The following FRYL variants were observed in gnomAD, a reference collection of about 807,000 sequenced individuals.
FRYL encodes the protein FRY like transcription coactivator.
Under a neutral mutation model 351.2 loss-of-function variants are expected in FRYL, and 150 were observed. That is an observed-to-expected ratio of 0.43 (90% CI 0.37 to 0.49). The LOEUF (loss-of-function observed/expected upper bound fraction) is 0.49, where lower values mean the gene tolerates loss of function less well. Among genes scored for constraint, FRYL ranks in the 20% least tolerant of loss-of-function variants. FRYL has a pLI of 0.00. For missense variants in FRYL, 3,036 were observed against 3,619.3 expected, an observed-to-expected ratio of 0.84 and a Z score of 4.13; for synonymous variants, 1,153 against 1,257.1, an observed-to-expected ratio of 0.92 and a Z score of 1.75.
At chr4:48,763,174 T>C (rs1157053709) in intron 1 of FRYL, among the ~76,000 whole-genome samples, 1 of 150,420 alleles carries the variant, frequency 6.6e-6, no homozygotes, top group East Asian at 2.0e-4. Context: ...ATTTAAATAC[T>C]TGGAGGCCAG....
At chr4:48,658,358 A>G (rs1759685965) in intron 3 of FRYL, among the ~76,000 whole-genome samples, 1 of 152,062 alleles carries the variant, frequency 6.6e-6, no homozygotes, top group Non-Finnish European at 1.5e-5. Flanking sequence ...GTCAAATACC[A>G]CATCAATCCT....
chr4:48,738,322 G>T (rs991004140), intron 1 of FRYL, among the ~76,000 whole-genome samples: 1 of 152,120 alleles, frequency 6.6e-6, no homozygotes, highest in African/African-American at 2.4e-5. Context: ...TGAACACACA[G>T]AATTTGACAT....
intron 54 of FRYL, among the ~76,000 whole-genome samples, chr4:48,521,709 T>C (rs1224957033): frequency 6.6e-6 from 1 of 152,216 alleles, no homozygotes; most frequent in Non-Finnish European, 1.5e-5. Context: ...TAAAACACCT[T>C]GAACAGGGCC....
At chr4:48,603,610 T>C (rs1357641464) in intron 11 of FRYL, among the ~76,000 whole-genome samples, 1 of 152,168 alleles carries the variant, frequency 6.6e-6, no homozygotes, top group African/African-American at 2.4e-5. Flanking sequence ...GAGGACACAG[T>C]ATAACAGGTC....
Position 48,498,225 on chromosome 4 carries a change from C to G in FRYL, c.*1197G>C, listed in dbSNP as rs1354561617. ...GGCTTCCTTTCATTTCCCCTAGCCCCAGGTTTCTTTAGGGTAAAGCATGTG... is the reference window on the plus strand; with the variant it reads ...GGCTTCCTTTCATTTCCCCTAGCCCGAGGTTTCTTTAGGGTAAAGCATGTG... On this transcript the variant is annotated 3_prime_UTR_variant, in exon 64 of 64. Coordinates refer to ENST00000358350, the MANE Select transcript of FRYL (RefSeq NM_015030.2). 1 of 152,084 alleles carries G rather than the reference C, an allele frequency of 6.6e-6. No homozygotes were observed. Among genetic ancestry groups the G allele is most frequent in the Non-Finnish European group, 1.5e-5 (1 of 68,004 alleles). 9.4% of individuals were successfully genotyped at this position (152,084 alleles called of 1,614,324 possible).
chr4:48,722,214 T>G (rs1190202797), intron 1 of FRYL, among the ~76,000 whole-genome samples: 1 of 152,162 alleles, frequency 6.6e-6, no homozygotes, highest in Non-Finnish European at 1.5e-5. Flanking sequence ...TAAGGGTGAA[T>G]TAACAATGGG....
chr4:48,592,082 T>TTATATATATATATATATA (rs56320005), intron 16 of FRYL, among the ~76,000 whole-genome samples: 1,268 of 115,424 alleles, frequency 0.011, 25 homozygotes, highest in African/African-American at 0.021. Flanking sequence ...AATAAAGCTC[T>TTATATATATATATATATA]TATATATATA....
intron 26 of FRYL, 134 bp downstream of exon 26, chr4:48,573,052 G>T: frequency 1.6e-6 from 1 of 610,590 alleles, no homozygotes; most frequent in South Asian, 2.3e-5. Flanking sequence ...ATCTTCTGCG[G>T]GGAGGGGAAG....
chr4:48,547,872 T>C, intron 40 of FRYL, 103 bp from the exon 41 acceptor site: 1 of 741,808 alleles, frequency 1.3e-6, no homozygotes, highest in Non-Finnish European at 2.0e-6. Context: ...ATGAAAGATT[T>C]CATGGAAGGT....
At position 48,582,523 on chromosome 4, in the gene FRYL, T is replaced by C; in HGVS notation, c.1960A>G (p.Met654Val). 1 of 1,613,610 alleles carries C rather than the reference T, an allele frequency of 6.2e-7. No individual in the cohort carries two copies. The highest frequency in any genetic ancestry group is 1.1e-5 in the South Asian group (1 of 91,054). ...TGAGTGTCCTGGTTTTTATTATGCA[T>C]TTGGGCTGCTTGTTTCCACTGATTT... ...LINQWKQAAQ[M>V]HNKNQDTQHG... is the part of the protein sequence containing the mutation. The change falls in exon 20 of 64, where the codon ATG becomes GTG. Residue 654 changes from methionine to valine, a missense_variant. This residue lies in a region of FRYL where 492 missense variants were observed against 551.5 expected (regional missense o/e 0.89). Coordinates refer to ENST00000358350, the MANE Select transcript of FRYL (RefSeq NM_015030.2).
chr4:48,548,107 G>T (rs1005327560), intron 40 of FRYL, among the ~76,000 whole-genome samples: 11 of 151,836 alleles, frequency 7.2e-5, no homozygotes, highest in African/African-American at 2.4e-4. Flanking sequence ...ATAACAGAAA[G>T]TACATGATTA....
intron 1 of FRYL, among the ~76,000 whole-genome samples, chr4:48,732,432 A>T (rs1285045222): frequency 6.6e-6 from 1 of 152,204 alleles, no homozygotes; most frequent in Admixed American, 6.5e-5. Context: ...CTGGGCATAT[A>T]ACCAAAGGAT....
chr4:48,732,689 C>T (rs1435966526), intron 1 of FRYL, among the ~76,000 whole-genome samples: 2 of 149,004 alleles, frequency 1.3e-5, no homozygotes. Context: ...GAAAACCAAA[C>T]ATCACATGTT....
In FRYL at chr4:48,740,893, T is replaced by C. The variant is rs111887039; in HGVS notation, c.-383-30195A>G. On this transcript the variant is annotated intron_variant, in intron 1 of 63. Transcript: ENST00000358350. ...TCTTATCAAACACATCCAGCACTTA[T>C]TCGTTGTTATTTACTCAAAGGAGAT... 4.6e-3 allele frequency among the ~76,000 whole-genome samples: 696 copies of C among 152,274 alleles called. 5 individuals carry two copies. The highest frequency in any genetic ancestry group is 0.016 in the African/African-American group (646 of 41,544).
chr4:48,697,625 G>A (rs566797831), intron 2 of FRYL, among the ~76,000 whole-genome samples: 1 of 152,132 alleles, frequency 6.6e-6, no homozygotes, highest in Non-Finnish European at 1.5e-5. Context: ...GATTACAGGT[G>A]CACGCCACCA....
At chr4:48,518,940 G>A (rs1373461088) in intron 55 of FRYL, among the ~76,000 whole-genome samples, 1 of 152,196 alleles carries the variant, frequency 6.6e-6, no homozygotes, top group African/African-American at 2.4e-5. Flanking sequence ...TGTCACAGTT[G>A]CCACGGGCCC....
intron 26 of FRYL, 24 bp downstream of exon 26, chr4:48,573,162 A>G (rs1738751615): frequency 6.3e-7 from 1 of 1,579,044 alleles, no homozygotes; most frequent in African/African-American, 1.4e-5. Context: ...GTTCACTAAT[A>G]CAAGGCTGCA....
chr4:48,535,616 T>G, intron 48 of FRYL, 41 bp downstream of exon 48: 10 of 717,600 alleles, frequency 1.4e-5, no homozygotes, highest in Non-Finnish European at 1.7e-5. Context: ...CACACACACA[T>G]ATATATATAG....
At chr4:48,695,092 T>C (rs1162771969) in intron 2 of FRYL, among the ~76,000 whole-genome samples, 1 of 152,000 alleles carries the variant, frequency 6.6e-6, no homozygotes, top group Non-Finnish European at 1.5e-5. Context: ...AAACAAAAAA[T>C]TGGCCCACAT....
Sources: allele counts gnomAD v4.1 joint callset (sites outside exome capture counted in the v4.1 genomes callset), GRCh38; gene constraint gnomAD v4.1.1; regional missense constraint gnomAD v4.1.1; transcripts MANE v1.5; gene names NCBI Gene and HGNC (gene_info 2026-07-23, HGNC 2026-07-21).